The following DOCK3 variants were observed in gnomAD, a reference collection of about 807,000 sequenced individuals.
DOCK3 encodes dedicator of cytokinesis protein 3.
A neutral mutation model predicts 265.6 loss-of-function variants in DOCK3; 60 were observed. The observed-to-expected ratio is 0.23, with a 90% CI of 0.18 to 0.28. The LOEUF is 0.28. DOCK3 is among the 10% of genes least tolerant of loss of function. The pLI, the probability that DOCK3 is intolerant of heterozygous loss-of-function variation, is 1.00. For missense variants in DOCK3, 1,981 were observed against 2,594.3 expected, an observed-to-expected ratio of 0.76 and a Z score of 5.14; for synonymous variants, 881 against 938.0, an observed-to-expected ratio of 0.94 and a Z score of 1.11.
chr3:50,705,518 C>T (rs534698080), intron 1 of DOCK3, among the ~76,000 whole-genome samples: 45 of 152,130 alleles, frequency 3.0e-4, no homozygotes, highest in Non-Finnish European at 5.4e-4. Flanking sequence ...TGGGTTCAAG[C>T]AGTTCTCCTG....
At chr3:51,142,153 G>A (rs1237333113) in intron 9 of DOCK3, among the ~76,000 whole-genome samples, 1 of 151,940 alleles carries the variant, frequency 6.6e-6, no homozygotes, top group Admixed American at 6.6e-5. Context: ...GTTATATCCT[G>A]TGTCTTCAGT....
chr3:50,718,161 C>T (rs964816526), intron 1 of DOCK3, among the ~76,000 whole-genome samples: 1 of 152,048 alleles, frequency 6.6e-6, no homozygotes, highest in African/African-American at 2.4e-5. Context: ...CCTTTATATC[C>T]TGTCACTCTA....
intron 5 of DOCK3, among the ~76,000 whole-genome samples, chr3:51,057,058 T>C (rs2081228859): frequency 6.6e-6 from 1 of 152,240 alleles, no homozygotes; most frequent in South Asian, 2.1e-4. Context: ...GGTAATATAC[T>C]TTCTGGCAAA....
chr3:51,008,530 T>C (rs1204121040), intron 5 of DOCK3, among the ~76,000 whole-genome samples: 1 of 152,234 alleles, frequency 6.6e-6, no homozygotes, highest in Non-Finnish European at 1.5e-5. Context: ...GATTTTGGGC[T>C]GAGACAATGG....
At chr3:51,276,366 G>C in intron 25 of DOCK3, 1 of 985,348 alleles carries the variant, frequency 1.0e-6, no homozygotes, top group South Asian at 4.7e-5. Flanking sequence ...TTGTATTGAG[G>C]GGGTGGACAG....
chr3:50,715,610 G>A lies in DOCK3; in HGVS notation c.37+40310G>A, dbSNP rs2037057227. Among the ~76,000 whole-genome samples the A allele has an allele frequency of 2.0e-5, 3 of 152,080 alleles. No homozygotes were observed. In the South Asian group the frequency reaches 6.2e-4, roughly 32 times the overall value. ...TCAGGATATTGGAGTGAGAATGAGGGTGATGAGGGGAAGGGCATTTTGGGA... is the reference window on the plus strand; with the variant it reads ...TCAGGATATTGGAGTGAGAATGAGGATGATGAGGGGAAGGGCATTTTGGGA... On this transcript the variant is annotated intron_variant, in intron 1 of 52. Coordinates refer to ENST00000266037, the MANE Select transcript of DOCK3 (RefSeq NM_004947.5).
intron 12 of DOCK3, among the ~76,000 whole-genome samples, chr3:51,200,883 G>A (rs1039193383): frequency 5.3e-5 from 8 of 152,186 alleles, no homozygotes; most frequent in South Asian, 2.1e-4. Context: ...CATTCTTACC[G>A]AAAAGAATTT....
intron 3 of DOCK3, among the ~76,000 whole-genome samples, chr3:50,843,859 C>T (rs938335254): frequency 5.9e-5 from 9 of 152,008 alleles, no homozygotes; most frequent in Non-Finnish European, 8.8e-5. Flanking sequence ...TTTCATCCTG[C>T]GTCAGTGATA....
At chr3:51,234,191 G>C (rs78116152) in intron 19 of DOCK3, among the ~76,000 whole-genome samples, 2,350 of 152,214 alleles carry the variant, frequency 0.015, 52 homozygotes, top group African/African-American at 0.053. Flanking sequence ...CTCCCAACTG[G>C]GATGAGGTGA....
intron 9 of DOCK3, among the ~76,000 whole-genome samples, chr3:51,103,309 G>A (rs551940933): frequency 6.6e-6 from 1 of 152,236 alleles, no homozygotes; most frequent in South Asian, 2.1e-4. Context: ...CAAAGTAGGT[G>A]ACATGCTCAT....
intron 27 of DOCK3, among the ~76,000 whole-genome samples, chr3:51,295,244 T>C (rs2082014633): frequency 6.6e-6 from 1 of 152,254 alleles, no homozygotes. Context: ...GGCCTCAGGC[T>C]GCTTCCACTC....
rs1470179298 is a variant in DOCK3, at chr3:51,237,512, G to A, written c.2024G>A (p.Arg675Gln). Residue 675 changes from arginine (R) to glutamine (Q), a missense_variant, in exon 21 of 53, where the codon CGA becomes CAA. Arg to Gln is a conservative substitution (Grantham distance 43). Around this residue, in one of 4 missense-constraint regions of DOCK3, gnomAD observed 1,357 missense variants for 1,866.8 expected, o/e 0.73. Coordinates refer to ENST00000266037, the MANE Select transcript of DOCK3 (RefSeq NM_004947.5). ...QSLVFIINLL[R>Q]DIKYFHFRPV... ...CAGGTGTTCATCATCAACCTGCTCCGAGACATCAAGTATTTTCACTTTCGA... is the reference window on the plus strand; with the variant it reads ...CAGGTGTTCATCATCAACCTGCTCCAAGACATCAAGTATTTTCACTTTCGA... 9.9e-6 allele frequency: 16 copies of A among 1,613,114 alleles called. No homozygotes were observed. Among genetic ancestry groups the A allele is most frequent in the Non-Finnish European group, 1.3e-5 (15 of 1,179,700 alleles).
chr3:50,676,659 C>T, intron 1 of DOCK3, among the ~76,000 whole-genome samples: 1 of 147,660 alleles, frequency 6.8e-6, no homozygotes, highest in Non-Finnish European at 1.5e-5. Context: ...GGTCAACTCT[C>T]CAGTGGCACC....
At chr3:51,014,613 C>G (rs780505678) in intron 5 of DOCK3, among the ~76,000 whole-genome samples, 1 of 151,994 alleles carries the variant, frequency 6.6e-6, no homozygotes, top group Non-Finnish European at 1.5e-5. Context: ...CTTTTTTGCT[C>G]AGAATGGTTT....
At chr3:50,867,657 G>C (rs1559744661) in intron 3 of DOCK3, among the ~76,000 whole-genome samples, 1 of 150,414 alleles carries the variant, frequency 6.6e-6, no homozygotes, top group Non-Finnish European at 1.5e-5. Flanking sequence ...AACTTTATCA[G>C]ATGCTTTTTC....
intron 5 of DOCK3, among the ~76,000 whole-genome samples, chr3:50,977,280 A>G (rs2077488425): frequency 6.6e-6 from 1 of 151,934 alleles, no homozygotes; most frequent in Admixed American, 6.5e-5. Context: ...AGCGGCTGGT[A>G]CCGGTTGTTC....
chr3:51,337,322 G>A (rs1252697321), intron 35 of DOCK3, among the ~76,000 whole-genome samples: 2 of 152,160 alleles, frequency 1.3e-5, no homozygotes, highest in African/African-American at 4.8e-5. Context: ...GGAGAACTGG[G>A]TTTGTCAAAT....
At chr3:51,373,351 G>A (rs781005004) in intron 49 of DOCK3, among the ~76,000 whole-genome samples, 34 of 152,186 alleles carry the variant, frequency 2.2e-4, no homozygotes, top group Non-Finnish European at 4.4e-4. Flanking sequence ...TTCACTCAGA[G>A]GACACCCCAG....
chr3:50,908,228 C>T (rs1330381556), intron 4 of DOCK3, among the ~76,000 whole-genome samples: 4 of 118,164 alleles, frequency 3.4e-5, no homozygotes, highest in African/African-American at 5.9e-5. Context: ...ATTTATTTCA[C>T]GTCTGCTCTG....
Sources: allele counts gnomAD v4.1 joint callset (sites outside exome capture counted in the v4.1 genomes callset), GRCh38; gene constraint gnomAD v4.1.1; regional missense constraint gnomAD v4.1.1; transcripts MANE v1.5; gene names NCBI Gene and HGNC (gene_info 2026-07-23, HGNC 2026-07-21).